Variants in SAMD3 observed in about 807,000 individuals in gnomAD.
SAMD3 encodes sterile alpha motif domain containing 3.
A neutral mutation model predicts 58.5 loss-of-function variants in SAMD3; 63 were observed. The observed-to-expected ratio is 1.08, with a 90% CI of 0.88 to 1.33. The LOEUF (loss-of-function observed/expected upper bound fraction) is 1.33. Among genes scored for constraint, SAMD3 ranks in the 40% most tolerant of loss-of-function variants. The probability of loss-of-function intolerance (pLI) is 0.00; values close to 1 mark genes in which losing one functional copy is unlikely to be tolerated. For missense variants in SAMD3, 604 were observed against 608.4 expected (o/e 0.99, Z 0.08); for synonymous variants, 220 against 210.3 (o/e 1.05, Z -0.40).
intron 1 of SAMD3, among the ~76,000 whole-genome samples, chr6:130,317,006 G>T (rs1176585106): frequency 6.6e-6 from 1 of 152,168 alleles, no homozygotes; most frequent in African/African-American, 2.4e-5. Flanking sequence ...AGAGCAGACT[G>T]CACATCAGGC....
At chr6:130,167,871 G>C (rs2114639048) in intron 8 of SAMD3, among the ~76,000 whole-genome samples, 1 of 152,296 alleles carries the variant, frequency 6.6e-6, no homozygotes, top group Non-Finnish European at 1.5e-5. Context: ...GTGGGATTCT[G>C]ACAAGCAAAG....
At position 130,281,896 on chromosome 6, in the gene SAMD3, A is replaced by C. The variant is rs558132128; in HGVS notation, c.-188+31082T>G. Among the ~76,000 whole-genome samples the C allele has an allele frequency of 1.3e-3, 157 of 124,346 alleles. 1 individual carries two copies. The highest frequency in any genetic ancestry group is 4.1e-3 in the Middle Eastern group (1 of 242). 81.6% of individuals were successfully genotyped at this position (124,346 alleles called of 152,430 possible). A position where few individuals can be genotyped will look rare whatever the true frequency, so the allele number is the denominator to read the frequency against. ...TCACTGCACTCCTTGACTCCTTAAC[A>C]TTTCCCCATGTTAAGCTTATGCGCC... is the stretch of plus-strand genomic sequence containing the variant. On this transcript the variant is annotated intron_variant, in intron 2 of 13. Coordinates refer to the SAMD3 transcript ENST00000368134.
chr6:130,191,420 C>T (rs562782151), intron 5 of SAMD3, among the ~76,000 whole-genome samples: 14 of 152,218 alleles, frequency 9.2e-5, no homozygotes, highest in South Asian at 4.2e-4. Flanking sequence ...TATAAACATT[C>T]GCATTTGGAA....
At chr6:130,296,417 C>A (rs1442516432) in intron 2 of SAMD3, among the ~76,000 whole-genome samples, 1 of 152,036 alleles carries the variant, frequency 6.6e-6, no homozygotes, top group Non-Finnish European at 1.5e-5. Context: ...CTACAAAAGC[C>A]CCCTCATGAC....
intron 4 of SAMD3, 68 bp from the exon 5 acceptor site, chr6:130,209,676 T>C (rs893215714): frequency 4.8e-5 from 45 of 941,884 alleles, no homozygotes; most frequent in Non-Finnish European, 7.1e-5. Context: ...ACAGCAGCTC[T>C]GAAGGTAGCA....
At chr6:130,300,261 A>G (rs1340246078) in intron 2 of SAMD3, among the ~76,000 whole-genome samples, 1 of 152,198 alleles carries the variant, frequency 6.6e-6, no homozygotes, top group Non-Finnish European at 1.5e-5. Context: ...AATTTATCAC[A>G]ATCAAGAGGG....
chr6:130,214,848 C>A (rs187475718), intron 3 of SAMD3, among the ~76,000 whole-genome samples: 1 of 152,244 alleles, frequency 6.6e-6, no homozygotes, highest in African/African-American at 2.4e-5. Flanking sequence ...TTCGTAATAG[C>A]TCCTAGCCAG....
intron 5 of SAMD3, among the ~76,000 whole-genome samples, chr6:130,193,170 T>A (rs2114746811): frequency 6.6e-6 from 1 of 152,128 alleles, no homozygotes; most frequent in South Asian, 2.1e-4. Flanking sequence ...TAGCAGGAAG[T>A]CCCACTTTTC....
intron 5 of SAMD3, among the ~76,000 whole-genome samples, chr6:130,185,956 T>G (rs1448422474): frequency 6.6e-6 from 1 of 152,128 alleles, no homozygotes; most frequent in Non-Finnish European, 1.5e-5. Context: ...ATGGGTGAAC[T>G]TTATGCTATG....
chr6:130,204,574 G>A (rs1452110570), intron 5 of SAMD3, among the ~76,000 whole-genome samples: 1 of 147,948 alleles, frequency 6.8e-6, no homozygotes, highest in African/African-American at 2.6e-5. Flanking sequence ...TCCAGCCTGG[G>A]TGACAGAACG....
At chr6:130,290,343 A>G (rs1775323446) in intron 2 of SAMD3, among the ~76,000 whole-genome samples, 1 of 151,930 alleles carries the variant, frequency 6.6e-6, no homozygotes, top group South Asian at 2.1e-4. Flanking sequence ...TCTATGTTAC[A>G]CTCTTGAGTT....
At position 130,254,861 on chromosome 6, in the gene SAMD3, A is replaced by C. The variant is rs141939306; in HGVS notation, c.-187-32048T>G. Among the ~76,000 whole-genome samples the C allele has an allele frequency of 2.0e-3, 302 of 152,212 alleles. 3 individuals carry two copies. Among genetic ancestry groups the C allele is most frequent in the African/African-American group, 7.0e-3 (291 of 41,546 alleles). On this transcript the variant is annotated intron_variant, in intron 2 of 13. Coordinates refer to the SAMD3 transcript ENST00000368134. ...AGTTCTTCTTTAAATGTTTGGTAGA[A>C]TTGGCTTTTAAATTTTCTGGAGGTG...
intron 2 of SAMD3, among the ~76,000 whole-genome samples, chr6:130,286,526 C>T (rs898965989): frequency 6.6e-6 from 1 of 152,124 alleles, no homozygotes; most frequent in African/African-American, 2.4e-5. Context: ...CTAGTTTTTG[C>T]TTCAAATTTT....
At chr6:130,211,228 A>C (rs1398272443) in intron 4 of SAMD3, among the ~76,000 whole-genome samples, 1 of 151,050 alleles carries the variant, frequency 6.6e-6, no homozygotes, top group Non-Finnish European at 1.5e-5. Context: ...CATAACCCAG[A>C]CATTCCTTTC....
At position 130,192,097 on chromosome 6, in the gene SAMD3, C is replaced by A. The variant is rs76150497; in HGVS notation, c.384-7474G>T. On this transcript the variant is annotated intron_variant, in intron 5 of 11. Coordinates refer to ENST00000439090, the MANE Select transcript of SAMD3 (RefSeq NM_001017373.4). Reference sequence around the variant, plus strand: ...ATCCCCCACCTGGCCTGGTCCAACACTGGCCCTGTGAGCACTCAACTACAT... The same window carrying A: ...ATCCCCCACCTGGCCTGGTCCAACAATGGCCCTGTGAGCACTCAACTACAT... Among the ~76,000 whole-genome samples, 682 of 152,336 alleles carry A rather than the reference C, an allele frequency of 4.5e-3. 3 individuals carry two copies. The highest frequency in any genetic ancestry group is 0.016 in the African/African-American group (646 of 41,582).
intron 5 of SAMD3, among the ~76,000 whole-genome samples, chr6:130,185,851 C>T (rs1316220060): frequency 1.3e-5 from 2 of 151,950 alleles, no homozygotes; most frequent in South Asian, 4.2e-4. Flanking sequence ...AGTTTCATCT[C>T]GAACTCTAGG....
chr6:130,197,010 G>A (rs1488750419), intron 5 of SAMD3, among the ~76,000 whole-genome samples: 1 of 152,160 alleles, frequency 6.6e-6, no homozygotes, highest in Non-Finnish European at 1.5e-5. Flanking sequence ...TATCCCTTAC[G>A]GTCCTCCATC....
intron 1 of SAMD3, among the ~76,000 whole-genome samples, chr6:130,318,179 A>C (rs1776451040): frequency 6.6e-6 from 1 of 152,184 alleles, no homozygotes; most frequent in African/African-American, 2.4e-5. Flanking sequence ...AAGCCTCATA[A>C]TTCAGTGGGC....
chr6:130,338,994 G>A (rs1326410453), intron 1 of SAMD3, among the ~76,000 whole-genome samples: 1 of 152,114 alleles, frequency 6.6e-6, no homozygotes, highest in East Asian at 1.9e-4. Context: ...GGAGGGGCCA[G>A]GGGCAGAATG....
Sources: gnomAD v4.1 joint callset for allele counts (sites outside exome capture counted in the v4.1 genomes callset) on GRCh38, gnomAD v4.1.1 for gene constraint, MANE v1.5 for transcripts, NCBI Gene and HGNC (gene_info 2026-07-23, HGNC 2026-07-21) for gene names.